Variants in NFRKB observed in about 807,000 individuals in gnomAD.
The protein encoded by NFRKB is nuclear factor related to kappa-B-binding protein.
Under a neutral mutation model 135.7 loss-of-function variants are expected in NFRKB, and 62 were observed. That is an observed-to-expected ratio of 0.46 (90% CI 0.37 to 0.56). The LOEUF (loss-of-function observed/expected upper bound fraction) is 0.56. Among genes scored for constraint, NFRKB ranks in the 20% least tolerant of loss-of-function variants. The pLI is 0.00. For missense variants in NFRKB, 1,545 were observed against 1,662.0 expected, an observed-to-expected ratio of 0.93 and a Z score of 1.22; for synonymous variants, 678 against 635.6, an observed-to-expected ratio of 1.07 and a Z score of -1.00.
At chr11:129,883,743 G>A (rs1949136777) in intron 8 of NFRKB, among the ~76,000 whole-genome samples, 1 of 152,128 alleles carries the variant, frequency 6.6e-6, no homozygotes. Flanking sequence ...CAAACCCAGG[G>A]CCCAACTCCT....
At chr11:129,888,978 A>AT (rs375449345) in intron 3 of NFRKB, among the ~76,000 whole-genome samples, 183 bp from the exon 4 acceptor site, 5,821 of 143,720 alleles carry the variant, frequency 0.041, 361 homozygotes, top group African/African-American at 0.13. Flanking sequence ...AATTTTTTAC[A>AT]TTTTTTTTTT....
chr11:129,886,447 T>TA lies in NFRKB; in HGVS notation c.338-4dup. 2.5e-6 allele frequency: 4 copies of TA among 1,612,910 alleles called. No homozygotes were observed. Among genetic ancestry groups the TA allele is most frequent in the South Asian group, 2.2e-5 (2 of 91,010 alleles). On this transcript the variant is annotated splice_region_variant and splice_polypyrimidine_tract_variant and intron_variant, in intron 4 of 26. Transcript: ENST00000682444. Reference sequence around the variant, plus strand: ...CACCTCGGGGTTAAAGTGTCCGTCTTAAAAAAATAAAGGTATATATATTTA... The same window carrying TA: ...CACCTCGGGGTTAAAGTGTCCGTCTTAAAAAAAATAAAGGTATATATATTTA...
chr11:129,871,318 C>G (rs956691468), intron 23 of NFRKB, among the ~76,000 whole-genome samples: 2 of 152,148 alleles, frequency 1.3e-5, no homozygotes, highest in African/African-American at 4.8e-5. Flanking sequence ...AGAGGCCAAT[C>G]ATACTCACTG....
At position 129,870,243 on chromosome 11, in the gene NFRKB, G is replaced by C. The variant is rs202246623; in HGVS notation, c.2782C>G (p.Leu928Val). ...TTGCCTGTTTGGGGCTTCACACCAA[G>C]CTGCCCAGTGATTGCCACCTGAATG... is the stretch of plus-strand genomic sequence containing the variant. ...IIKQVAITGQ[L>V]GVKPQTGNSI... Residue 928 changes from leucine to valine, a missense_variant, in exon 24 of 27, where the codon CTT becomes GTT. Around this residue, in one of 3 missense-constraint regions of NFRKB, gnomAD observed 753 missense variants for 804.3 expected, o/e 0.94. Transcript: ENST00000682444. 23 of 1,613,598 alleles carry C rather than the reference G, an allele frequency of 1.4e-5. No homozygotes were observed. The East Asian group carries it at 4.7e-4, about 33-fold the overall frequency.
chr11:129,877,317 G>T lies in NFRKB; in HGVS notation c.1572+8C>A. ...GGCAGAGACTTACACTGGCTTTTAGGTTCTTACCTGCTCCTGAAAAACCCG... is the reference window on the plus strand; with the variant it reads ...GGCAGAGACTTACACTGGCTTTTAGTTTCTTACCTGCTCCTGAAAAACCCG... On this transcript the variant is annotated splice_region_variant and intron_variant, in intron 16 of 26. Transcript: ENST00000682444. 1 of 1,613,984 alleles carries T rather than the reference G, an allele frequency of 6.2e-7. No individual in the cohort carries two copies. Among genetic ancestry groups the T allele is most frequent in the South Asian group, 1.1e-5 (1 of 91,072 alleles).
chr11:129,886,621 A>G (rs1265902840), intron 4 of NFRKB, among the ~76,000 whole-genome samples, 177 bp from the exon 5 acceptor site: 1 of 152,250 alleles, frequency 6.6e-6, no homozygotes, highest in African/African-American at 2.4e-5. Context: ...CTGAGAAGCA[A>G]TGACAGCTCA....
In NFRKB at chr11:129,878,185, G is replaced by A. The variant is rs1417738264; in HGVS notation, c.1511+124C>T. The A allele has an allele frequency of 5.2e-6, 5 of 964,404 alleles. No homozygotes were observed. In the South Asian group the frequency reaches 8.0e-5, roughly 15 times the overall value. 59.7% of individuals were successfully genotyped at this position (964,404 alleles called of 1,614,324 possible). A position where few individuals can be genotyped will look rare whatever the true frequency, so the allele number is the denominator to read the frequency against. On this transcript the variant is annotated intron_variant, in intron 15 of 26. Coordinates refer to ENST00000682444, the MANE Select transcript of NFRKB (RefSeq NM_001143835.2). ...GTGCGGCCAAGTCAGGAAGAACCAG[G>A]GGACTCCTCAGAGCTCTGAAGCCCA...
chr11:129,893,022 C>T (rs1949626598), intron 2 of NFRKB, 152 bp from the exon 3 acceptor site: 3 of 1,476,104 alleles, frequency 2.0e-6, no homozygotes, highest in African/African-American at 1.4e-5. Context: ...TCCTCCCTCC[C>T]TTTCACCACA....
chr11:129,877,356 G>A lies in NFRKB; in HGVS notation c.1541C>T (p.Thr514Met), dbSNP rs781478891. 9.9e-5 allele frequency: 160 copies of A among 1,614,028 alleles called. 2 individuals carry two copies. The highest frequency in any genetic ancestry group is 3.2e-4 in the South Asian group (29 of 91,086). Residue 514 changes from threonine (T) to methionine (M), a missense_variant, in exon 16 of 27, where the codon ACG (threonine) becomes ATG (methionine). By Grantham distance (81) the Thr-to-Met change is moderately conservative. Coordinates refer to ENST00000682444, the MANE Select transcript of NFRKB (RefSeq NM_001143835.2). The part of the protein sequence containing the change: ...VRTDYVVRPS[T>M]GEEKRVFQEQ... ...CTGAAAAACCCGTTTCTCCTCCCCC[G>A]TGCTGGGACGCACCACATAGTCAGT...
chr11:129,864,968 G>T lies in NFRKB; in HGVS notation c.3772C>A (p.Gln1258Lys). 6.2e-7 allele frequency: 1 copy of T among 1,613,404 alleles called. No individual in the cohort carries two copies. The highest frequency in any genetic ancestry group is 8.5e-7 in the Non-Finnish European group (1 of 1,179,740). Residue 1258 changes from glutamine (Q) to lysine (K), a missense_variant and splice_region_variant, in exon 26 of 27, where the codon CAG (glutamine) becomes AAG (lysine). Transcript: ENST00000682444. ...QQLQQQGQAT[Q>K]VRIQTVPASH... ...CAAGAATTTGCCCTGGGCCTTACCT[G>T]TGTGGCCTGACCTTGCTGCTGAAGC...
intron 4 of NFRKB, among the ~76,000 whole-genome samples, chr11:129,888,013 G>A (rs2135672257): frequency 6.6e-6 from 1 of 152,212 alleles, no homozygotes; most frequent in South Asian, 2.1e-4. Flanking sequence ...CTCCAGCCTG[G>A]GCGACACAGC....
rs775263330 is a variant in NFRKB, at chr11:129,869,482, CTA to C, written c.3531+10_3531+11del. The C allele has an allele frequency of 1.9e-6, 3 of 1,595,006 alleles. No individual in the cohort carries two copies. In the South Asian group the frequency reaches 3.4e-5, roughly 18 times the overall value. On this transcript the variant is annotated intron_variant, in intron 24 of 26. Transcript: ENST00000682444. ...AAAAAAGAAGGCCTAAGCTTTACCACTAGTTACTCACAGCCTGGGACGTGGAC... is the reference window on the plus strand; with the variant it reads ...AAAAAAGAAGGCCTAAGCTTTACCACGTTACTCACAGCCTGGGACGTGGAC...
chr11:129,867,555 G>T (rs1055997311), intron 24 of NFRKB, among the ~76,000 whole-genome samples: 1 of 152,126 alleles, frequency 6.6e-6, no homozygotes, highest in Non-Finnish European at 1.5e-5. Context: ...GACCTCAGGT[G>T]ATCTGCCCAC....
At chr11:129,876,601 G>T in intron 17 of NFRKB, 120 bp downstream of exon 17, 2 of 1,075,964 alleles carry the variant, frequency 1.9e-6, no homozygotes, top group Non-Finnish European at 2.6e-6. Context: ...GAAAAACTAT[G>T]CCTTGTTCTC....
At chr11:129,892,267 A>G (rs1294881463) in intron 3 of NFRKB, among the ~76,000 whole-genome samples, 1 of 152,144 alleles carries the variant, frequency 6.6e-6, no homozygotes, top group Admixed American at 6.5e-5. Flanking sequence ...TTGTGTCCTC[A>G]AAGCTTGGCT....
In NFRKB at chr11:129,870,038, C is replaced by T. The variant is rs1216864587; in HGVS notation, c.2987G>A (p.Gly996Glu). 1.2e-6 allele frequency: 2 copies of T among 1,614,240 alleles called. No individual in the cohort carries two copies. The highest frequency in any genetic ancestry group is 2.2e-5 in the East Asian group (1 of 44,886). ...TTTGCCTGTAGTGTTGCCTCCTGTC[C>T]CGAAGAGGTCCTGGGTCAATTTGAC... ...TTVKLTQDLF[G>E]TGGNTTGKGI... Residue 996 changes from glycine to glutamate, a missense_variant, in exon 24 of 27, where the codon GGG becomes GAG. By Grantham distance (98) the Gly-to-Glu change is moderately conservative. Coordinates refer to ENST00000682444, the MANE Select transcript of NFRKB (RefSeq NM_001143835.2).
intron 23 of NFRKB, among the ~76,000 whole-genome samples, chr11:129,872,007 C>T (rs1234312134): frequency 6.6e-6 from 1 of 152,210 alleles, no homozygotes; most frequent in African/African-American, 2.4e-5. Flanking sequence ...AACATCTGCA[C>T]TTGCCATTCC....
chr11:129,871,426 C>A (rs1948500370), intron 23 of NFRKB, among the ~76,000 whole-genome samples: 1 of 152,164 alleles, frequency 6.6e-6, no homozygotes, highest in Non-Finnish European at 1.5e-5. Flanking sequence ...CACCGAGTCT[C>A]ATCTCACGCT....
At chr11:129,893,165 G>T in intron 2 of NFRKB, 1 of 934,564 alleles carries the variant, frequency 1.1e-6, no homozygotes, top group Non-Finnish European at 1.4e-6. Context: ...GAGAATAAAT[G>T]ATAAACAGAT....
Sources: allele counts gnomAD v4.1 joint callset (sites outside exome capture counted in the v4.1 genomes callset), GRCh38; gene constraint gnomAD v4.1.1; regional missense constraint gnomAD v4.1.1; transcripts MANE v1.5; gene names NCBI Gene and HGNC (gene_info 2026-07-23, HGNC 2026-07-21).